The following JAKMIP3 variants were observed in gnomAD, a reference collection of about 807,000 sequenced individuals.
The protein encoded by JAKMIP3 is Janus kinase and microtubule interacting protein 3, also known as janus kinase and microtubule-interacting protein 3.
Under a neutral mutation model 118.5 loss-of-function variants are expected in JAKMIP3, and 58 were observed. The ratio of observed to expected loss-of-function variants is 0.49; its 90% CI spans 0.40 to 0.61. The LOEUF (loss-of-function observed/expected upper bound fraction) is 0.61. Ranked by LOEUF, JAKMIP3 falls within the 20% of genes least tolerant of loss-of-function variation. The pLI, the probability that JAKMIP3 is intolerant of heterozygous loss-of-function variation, is 0.00. For missense variants in JAKMIP3, 950 were observed against 1,109.0 expected (o/e 0.86, Z 2.04); for synonymous variants, 486 against 451.2 (o/e 1.08, Z -0.98).
intron 1 of JAKMIP3, among the ~76,000 whole-genome samples, chr10:132,087,949 C>T (rs2042607973): frequency 6.6e-6 from 1 of 152,076 alleles, no homozygotes; most frequent in African/African-American, 2.4e-5. Context: ...TGAGTGAGAA[C>T]ATGCAGTGTT....
intron 1 of JAKMIP3, among the ~76,000 whole-genome samples, chr10:132,051,190 C>A (rs990341910): frequency 1.3e-5 from 2 of 149,312 alleles, no homozygotes; most frequent in Non-Finnish European, 1.5e-5. Flanking sequence ...TGGGTGGGTA[C>A]CTGCCTGTCT....
In JAKMIP3 at chr10:132,080,449, ATCCT is replaced by A. The variant is rs1385998219; in HGVS notation, c.-138+14393_-138+14396del. On this transcript the variant is annotated intron_variant, in intron 1 of 23. Coordinates refer to ENST00000684848, the MANE Select transcript of JAKMIP3 (RefSeq NM_001323087.2). ...CTTCTCTGGAGAAATGTGTATTCAA[ATCCT>A]TCCTAATTTTAAGATCAGATTATTT... Among the ~76,000 whole-genome samples the A allele has an allele frequency of 2.0e-5, 3 of 148,432 alleles. No homozygotes were observed. The East Asian group carries it at 5.9e-4, about 29-fold the overall frequency.
At chr10:132,098,439 C>T (rs1273644421) in intron 1 of JAKMIP3, among the ~76,000 whole-genome samples, 3 of 152,226 alleles carry the variant, frequency 2.0e-5, no homozygotes, top group Admixed American at 1.3e-4. Flanking sequence ...GTGTTGAAGT[C>T]AGTGCAGAGA....
chr10:132,146,793 A>G (rs1380395590), intron 13 of JAKMIP3, among the ~76,000 whole-genome samples: 1 of 152,152 alleles, frequency 6.6e-6, no homozygotes, highest in East Asian at 1.9e-4. Flanking sequence ...CGACACCCCC[A>G]TGTTTCCCGT....
rs1479356339 is a variant in JAKMIP3 at position 132,183,446 on chromosome 10, ATGTC to A, written c.*2196_*2199del. 1 of 152,176 alleles carries A rather than the reference ATGTC, an allele frequency of 6.6e-6. No individual in the cohort carries two copies. The highest frequency in any genetic ancestry group is 2.4e-5 in the African/African-American group (1 of 41,426). The allele number at this position is 152,176 out of a possible 1,614,324, so 9.4% of individuals were successfully genotyped here. On this transcript the variant is annotated 3_prime_UTR_variant, in exon 24 of 24. Transcript: ENST00000684848. ...CATCATGGTTTAGCATGTTGTATAT[ATGTC>A]TGGAGCACTTCATACACCTCTATCC...
intron 1 of JAKMIP3, among the ~76,000 whole-genome samples, chr10:132,092,413 A>G (rs1291434134): frequency 6.6e-6 from 1 of 152,190 alleles, no homozygotes; most frequent in Admixed American, 6.5e-5. Context: ...TCAGTCAGAC[A>G]TTGATTTGGT....
In JAKMIP3 at chr10:132,117,588, CAGGGG is replaced by C; in HGVS notation, c.633+15_633+19del. 1 of 914,724 alleles carries C rather than the reference CAGGGG, an allele frequency of 1.1e-6. No homozygotes were observed. Among genetic ancestry groups the C allele is most frequent in the South Asian group, 1.7e-5 (1 of 58,812 alleles). The allele number at this position is 914,724 out of a possible 1,614,324, so 56.7% of individuals were successfully genotyped here. A position where few individuals can be genotyped will look rare whatever the true frequency, so the allele number is the denominator to read the frequency against. ...ATCCGCAGGCTGGTACGTGGGCAGG[CAGGGG>C]CGGGCGTGGGCGAGGGTGCAGGGGC... On this transcript the variant is annotated intron_variant, in intron 3 of 23. Coordinates refer to ENST00000684848, the MANE Select transcript of JAKMIP3 (RefSeq NM_001323087.2). The surrounding 1 kb of genome is among the most constrained non-coding windows in gnomAD (Gnocchi z 8.6).
At chr10:132,122,245 C>T (rs1452028636) in intron 3 of JAKMIP3, among the ~76,000 whole-genome samples, 2 of 152,126 alleles carry the variant, frequency 1.3e-5, no homozygotes, top group Non-Finnish European at 2.9e-5. Context: ...GCTGTTGGGG[C>T]CCTGACTGCC....
In JAKMIP3 at chr10:132,104,754, C is replaced by T; in HGVS notation, c.-55C>T. 6.5e-7 allele frequency: 1 copy of T among 1,533,566 alleles called. No homozygotes were observed. The allele number at this position is 1,533,566 out of a possible 1,614,324, so 95.0% of individuals were successfully genotyped here. A position where few individuals can be genotyped will look rare whatever the true frequency, so the allele number is the denominator to read the frequency against. ...GTGGACACCCCAGCCACCCCCAGCC[C>T]AGCCCAGCCGGAGCACCCTACCCCT... On this transcript the variant is annotated 5_prime_UTR_variant, in exon 2 of 24. It introduces an in-frame stop codon into an upstream open reading frame of the 5' UTR. Transcript: ENST00000684848.
intron 16 of JAKMIP3, among the ~76,000 whole-genome samples, chr10:132,151,010 C>T (rs1229191609): frequency 6.6e-6 from 1 of 151,988 alleles, no homozygotes; most frequent in East Asian, 1.9e-4. Flanking sequence ...TGTCCTCTAT[C>T]CACCATCCTC....
At chr10:132,125,000 C>T (rs1323043291) in intron 3 of JAKMIP3, among the ~76,000 whole-genome samples, 1 of 152,244 alleles carries the variant, frequency 6.6e-6, no homozygotes, top group East Asian at 1.9e-4. Context: ...TTCACCTTCT[C>T]CCCGTTGATG....
intron 3 of JAKMIP3, among the ~76,000 whole-genome samples, chr10:132,130,749 C>A (rs2050412472): frequency 6.6e-6 from 1 of 152,220 alleles, no homozygotes; most frequent in East Asian, 1.9e-4. Flanking sequence ...GAGCATGCTT[C>A]ATGGCTGTGG....
At position 132,180,542 on chromosome 10, in the gene JAKMIP3, T is replaced by TGTGTGTGTGCGTGC. The variant is rs1392970396; in HGVS notation, c.*1104-1812_*1104-1811insTGTGTGCGTGCGTG. 2.5e-4 allele frequency among the ~76,000 whole-genome samples: 8 copies of TGTGTGTGTGCGTGC among 31,794 alleles called. 3 individuals carry two copies. The highest frequency in any genetic ancestry group is 1.9e-3 in the African/African-American group (8 of 4,316). 20.9% of individuals were successfully genotyped at this position (31,794 alleles called of 152,430 possible). ...GCAGAACTGTGTGTGTGTGTGTGTG[T>TGTGTGTGTGCGTGC]GTGCGTGCGTGCATGCGTGTGTGTG... On this transcript the variant is annotated intron_variant, in intron 23 of 23. Coordinates refer to ENST00000684848, the MANE Select transcript of JAKMIP3 (RefSeq NM_001323087.2).
intron 11 of JAKMIP3, 73 bp downstream of exon 11, chr10:132,142,121 A>C: frequency 6.7e-7 from 1 of 1,483,054 alleles, no homozygotes; most frequent in African/African-American, 1.4e-5. Flanking sequence ...CTGGGCTGGG[A>C]CACCCCCCTC....
chr10:132,128,519 G>A (rs923812462), intron 3 of JAKMIP3, among the ~76,000 whole-genome samples: 2 of 152,082 alleles, frequency 1.3e-5, no homozygotes, highest in African/African-American at 4.8e-5. Context: ...CTCTTTCTGG[G>A]ATTCCAATAA....
At chr10:132,160,212 GT>G (rs1227859826) in intron 19 of JAKMIP3, among the ~76,000 whole-genome samples, 3 of 24,332 alleles carry the variant, frequency 1.2e-4, no homozygotes, top group South Asian at 2.1e-3. Flanking sequence ...GTGATGCTGG[GT>G]GGGCCTCTCC....
intron 1 of JAKMIP3, among the ~76,000 whole-genome samples, chr10:132,097,941 CCCT>C (rs1564892911): frequency 8.2e-5 from 5 of 60,742 alleles, no homozygotes; most frequent in South Asian, 8.5e-4. Context: ...CTTCCCCTTT[CCCT>C]TTCCCATCCC....
At chr10:132,136,368 A>T (rs1589905691) in intron 6 of JAKMIP3, among the ~76,000 whole-genome samples, 1 of 152,204 alleles carries the variant, frequency 6.6e-6, no homozygotes, top group South Asian at 2.1e-4. Context: ...GGTGGCCTCC[A>T]ACTCGGAAAA....
upstream of JAKMIP3, among the ~76,000 whole-genome samples, chr10:132,036,665 C>T (rs1302187542): frequency 1.3e-5 from 2 of 150,364 alleles, no homozygotes; most frequent in Admixed American, 6.6e-5. Context: ...GTGACGCGCG[C>T]CCCCGCCCGC....
Sources: allele counts gnomAD v4.1 joint callset (sites outside exome capture counted in the v4.1 genomes callset), GRCh38; gene constraint gnomAD v4.1.1; non-coding constraint Gnocchi (gnomAD v3.1); transcripts MANE v1.5; gene names NCBI Gene and HGNC (gene_info 2026-07-23, HGNC 2026-07-21).